ADK: variants seen among roughly 807,000 people sequenced by gnomAD.
ADK encodes adenosine kinase, also known as N6,N6-dimethyladenosine kinase.
ADK carries 24 observed loss-of-function variants against 44.7 expected under a neutral mutation model. That is an observed-to-expected ratio of 0.54 (90% CI 0.39 to 0.76). ADK has a LOEUF of 0.76. Among genes scored for constraint, ADK ranks in the 30% least tolerant of loss-of-function variants. The probability of loss-of-function intolerance (pLI) is 0.00; values close to 1 mark genes in which losing one functional copy is unlikely to be tolerated. For missense variants in ADK, 321 were observed against 425.1 expected (o/e 0.76, Z 2.15); for synonymous variants, 128 against 142.6 (o/e 0.90, Z 0.73).
Position 74,471,934 on chromosome 10 carries a change from C to G in ADK, c.556-53322C>G, listed in dbSNP as rs147026304. On this transcript the variant is annotated intron_variant, in intron 6 of 10. Transcript: ENST00000539909. ...GCAGTCTCTAGGCTTTTTATACATA[C>G]AAGATTGTGTTATCTAAAGAAATAA... Among the ~76,000 whole-genome samples the G allele has an allele frequency of 1.8e-4, 27 of 152,236 alleles. No homozygotes were observed. The East Asian group carries it at 4.8e-3, about 27-fold the overall frequency.
intron 4 of ADK, among the ~76,000 whole-genome samples, chr10:74,375,215 T>C (rs1241317598): frequency 6.6e-6 from 1 of 152,220 alleles, no homozygotes; most frequent in Admixed American, 6.5e-5. Flanking sequence ...ATATTGTTTG[T>C]AGATGTCTGT....
intron 9 of ADK, among the ~76,000 whole-genome samples, chr10:74,650,790 A>G (rs773683274): frequency 3.3e-5 from 5 of 152,204 alleles, no homozygotes; most frequent in African/African-American, 4.8e-5. Flanking sequence ...GGAAGTTAAA[A>G]TAGTATTGTG....
chr10:74,286,924 T>C (rs927003002), intron 3 of ADK, among the ~76,000 whole-genome samples: 1 of 152,132 alleles, frequency 6.6e-6, no homozygotes, highest in African/African-American at 2.4e-5. Context: ...TGGGCTCAAG[T>C]GATCCTCCCA....
intron 10 of ADK, among the ~76,000 whole-genome samples, chr10:74,680,975 A>T (rs897724100): frequency 6.6e-6 from 1 of 152,252 alleles, no homozygotes. Flanking sequence ...AAAATTTTAG[A>T]ACCATCATGC....
intron 6 of ADK, among the ~76,000 whole-genome samples, chr10:74,452,772 G>A (rs370585038): frequency 4.6e-5 from 7 of 151,994 alleles, no homozygotes; most frequent in East Asian, 1.9e-4. Context: ...AGGATTTTTC[G>A]TGAACAAGTA....
intron 1 of ADK, among the ~76,000 whole-genome samples, chr10:74,181,263 A>G (rs1028893421): frequency 1.3e-4 from 20 of 151,984 alleles, no homozygotes; most frequent in African/African-American, 2.4e-5. Flanking sequence ...TCTCTTTAGG[A>G]ATTCCTAAAT....
At chr10:74,197,927 A>G (rs1591838688) in intron 1 of ADK, among the ~76,000 whole-genome samples, 1 of 152,126 alleles carries the variant, frequency 6.6e-6, no homozygotes, top group Non-Finnish European at 1.5e-5. Context: ...GAGGGGACCA[A>G]TTGAGGGTAG....
intron 3 of ADK, among the ~76,000 whole-genome samples, chr10:74,269,880 C>A (rs1287981227): frequency 1.3e-5 from 2 of 152,124 alleles, no homozygotes; most frequent in Non-Finnish European, 2.9e-5. Context: ...TGCCAGTAGT[C>A]CCAGCTACTC....
intron 6 of ADK, chr10:74,508,229 AAGG>A (rs1357742655): frequency 6.6e-6 from 1 of 152,120 alleles, no homozygotes; most frequent in Non-Finnish European, 1.5e-5. Flanking sequence ...CAAGGAGAGA[AAGG>A]AGGCAGGGAT....
At chr10:74,372,365 T>C in intron 4 of ADK, 1 of 740,946 alleles carries the variant, frequency 1.3e-6, no homozygotes, top group Non-Finnish European at 2.5e-6. Flanking sequence ...GGTCCACAGC[T>C]CCCAATGCTC....
chr10:74,180,024 G>A (rs1842475270), intron 1 of ADK, among the ~76,000 whole-genome samples: 1 of 151,960 alleles, frequency 6.6e-6, no homozygotes, highest in Non-Finnish European at 1.5e-5. Flanking sequence ...CTCTGACTTT[G>A]TGTCCAATGT....
At chr10:74,161,441 T>G (rs141101302) in intron 1 of ADK, among the ~76,000 whole-genome samples, 1 of 152,168 alleles carries the variant, frequency 6.6e-6, no homozygotes, top group Admixed American at 6.5e-5. Context: ...GATCTCCTGA[T>G]CTCGTGATCT....
chr10:74,207,303 C>A (rs866109821), intron 2 of ADK, among the ~76,000 whole-genome samples: 2 of 152,324 alleles, frequency 1.3e-5, no homozygotes, highest in Admixed American at 6.5e-5. Flanking sequence ...GGTCTGGGCT[C>A]TCAGAAGGGC....
chr10:74,623,144 G>T (rs1479263274), intron 9 of ADK, among the ~76,000 whole-genome samples: 1 of 152,140 alleles, frequency 6.6e-6, no homozygotes. Flanking sequence ...CTTCCTTTCA[G>T]TTATGACAAC....
chr10:74,261,743 T>C (rs1846043254), intron 3 of ADK, among the ~76,000 whole-genome samples: 1 of 152,206 alleles, frequency 6.6e-6, no homozygotes, highest in Non-Finnish European at 1.5e-5. Context: ...TTGCTGATTC[T>C]TTATATGTGA....
chr10:74,200,731 A>G (rs188574661), intron 1 of ADK, 33 bp from the exon 2 acceptor site: 9 of 1,420,204 alleles, frequency 6.3e-6, no homozygotes, highest in African/African-American at 1.4e-5. Context: ...TACTTTTAGA[A>G]GTATTTCTAA....
At chr10:74,316,168 C>A (rs756955658) in intron 4 of ADK, among the ~76,000 whole-genome samples, 1 of 150,164 alleles carries the variant, frequency 6.7e-6, no homozygotes, top group Non-Finnish European at 1.5e-5. Context: ...TGAACCTGGG[C>A]GGTATAGGTT....
chr10:74,538,433 T>G (rs1420000970), intron 7 of ADK, among the ~76,000 whole-genome samples: 1 of 152,224 alleles, frequency 6.6e-6, no homozygotes, highest in Admixed American at 6.5e-5. Context: ...TCTTTACATA[T>G]TGATTTAACT....
At chr10:74,374,525 G>A (rs566023441) in intron 4 of ADK, among the ~76,000 whole-genome samples, 10 of 152,130 alleles carry the variant, frequency 6.6e-5, no homozygotes, top group South Asian at 6.2e-4. Flanking sequence ...AGTTTTACAC[G>A]ATCATAATTT....
Sources: gnomAD v4.1 joint callset for allele counts (sites outside exome capture counted in the v4.1 genomes callset) on GRCh38, gnomAD v4.1.1 for gene constraint, MANE v1.5 for transcripts, NCBI Gene and HGNC (gene_info 2026-07-23, HGNC 2026-07-21) for gene names.